The following RREB1 variants were observed in gnomAD, a reference collection of about 807,000 sequenced individuals.
The protein encoded by RREB1 is ras-responsive element-binding protein 1.
A neutral mutation model predicts 117.8 loss-of-function variants in RREB1; 27 were observed. The observed-to-expected ratio is 0.23, with a 90% CI of 0.17 to 0.32. The LOEUF (loss-of-function observed/expected upper bound fraction) is 0.32. Ranked by LOEUF, RREB1 falls within the 10% of genes least tolerant of loss-of-function variation. The probability of loss-of-function intolerance (pLI) is 1.00; values close to 1 mark genes in which losing one functional copy is unlikely to be tolerated. For missense variants in RREB1, 2,577 were observed against 2,378.2 expected (o/e 1.08, Z -1.74); for synonymous variants, 1,298 against 1,026.7 (o/e 1.26, Z -5.05).
At chr6:7,237,699 C>T (rs1389940298) in intron 10 of RREB1, among the ~76,000 whole-genome samples, 1 of 152,150 alleles carries the variant, frequency 6.6e-6, no homozygotes, top group Non-Finnish European at 1.5e-5. Context: ...GATGGCTGGC[C>T]AACAAGTGTT....
chr6:7,190,500 G>A (rs1354544694), intron 6 of RREB1, among the ~76,000 whole-genome samples: 3 of 152,164 alleles, frequency 2.0e-5, no homozygotes, highest in African/African-American at 2.4e-5. Flanking sequence ...TAAACTCTTA[G>A]AAGTGAGGTA....
intron 1 of RREB1, among the ~76,000 whole-genome samples, chr6:7,172,446 C>A (rs566367452): frequency 1.3e-5 from 2 of 151,836 alleles, no homozygotes; most frequent in Admixed American, 1.3e-4. Flanking sequence ...ATGGGTTTTG[C>A]TGTGTTGCCC....
intron 1 of RREB1, among the ~76,000 whole-genome samples, chr6:7,144,513 A>C (rs1157766733): frequency 6.6e-6 from 1 of 152,122 alleles, no homozygotes; most frequent in Non-Finnish European, 1.5e-5. Context: ...CATTAATGTT[A>C]GGATTTTCAC....
intron 1 of RREB1, among the ~76,000 whole-genome samples, chr6:7,135,685 G>C (rs1347142748): frequency 5.9e-5 from 9 of 152,180 alleles, no homozygotes; most frequent in Non-Finnish European, 1.0e-4. Context: ...TCTAGGACTT[G>C]GGACTGGGAG....
At chr6:7,114,880 G>C (rs1309774875) in intron 1 of RREB1, among the ~76,000 whole-genome samples, 2 of 152,108 alleles carry the variant, frequency 1.3e-5, no homozygotes, top group African/African-American at 4.8e-5. Flanking sequence ...TTGTGAAGCT[G>C]TTGTGGTCGA....
chr6:7,247,051 G>A lies in RREB1; in HGVS notation c.4601G>A (p.Ser1534Asn). Reference protein sequence around the residue: ...EETEGPSDGESAAEKRSSEKS... With the variant: ...EETEGPSDGENAAEKRSSEKS... ...ACGGAGGGCCCCTCCGACGGGGAGA[G>A]CGCGGCCGAGAAAAGGTCCTCAGAG... The change falls in exon 12 of 13, where the codon AGC (serine) becomes AAC (asparagine). Residue 1534 changes from serine (S) to asparagine (N), a missense_variant. Physicochemically the swap from Ser to Asn is conservative, Grantham distance 46 (BLOSUM62 1). Transcript: ENST00000379938. The A allele has an allele frequency of 1.2e-6, 2 of 1,613,356 alleles. No individual in the cohort carries two copies. Among genetic ancestry groups the A allele is most frequent in the Non-Finnish European group, 1.7e-6 (2 of 1,179,826 alleles).
At chr6:7,201,285 C>G (rs1765962485) in intron 6 of RREB1, among the ~76,000 whole-genome samples, 1 of 152,200 alleles carries the variant, frequency 6.6e-6, no homozygotes, top group Non-Finnish European at 1.5e-5. Flanking sequence ...AGCATTAGAT[C>G]ACAAAATGAA....
chr6:7,119,745 G>A (rs1023129553), intron 1 of RREB1, among the ~76,000 whole-genome samples: 26 of 152,182 alleles, frequency 1.7e-4, no homozygotes, highest in African/African-American at 6.3e-4. Flanking sequence ...GATGAGATTT[G>A]CATTTTTAAA....
At chr6:7,121,888 G>A (rs1160657898) in intron 1 of RREB1, among the ~76,000 whole-genome samples, 2 of 152,154 alleles carry the variant, frequency 1.3e-5, no homozygotes, top group Admixed American at 6.5e-5. Context: ...AATGCAGGGA[G>A]GCAGGGTGCA....
intron 1 of RREB1, among the ~76,000 whole-genome samples, chr6:7,114,844 T>A (rs1761320023): frequency 6.6e-6 from 1 of 152,186 alleles, no homozygotes; most frequent in Non-Finnish European, 1.5e-5. Context: ...GTCATCTACT[T>A]CTAAAACAAA....
intron 1 of RREB1, chr6:7,108,846 C>T: frequency 6.6e-6 from 1 of 151,822 alleles, no homozygotes; most frequent in Non-Finnish European, 1.5e-5. Context: ...CGGGCAGCCC[C>T]GCGCCCTCGC....
intron 4 of RREB1, among the ~76,000 whole-genome samples, chr6:7,185,980 G>GA (rs1402920770): frequency 1.3e-5 from 2 of 152,182 alleles, no homozygotes; most frequent in African/African-American, 2.4e-5. Context: ...TAGTGGTTGT[G>GA]AAAAAACCCT....
At position 7,117,388 on chromosome 6, in the gene RREB1, G is replaced by GTTTTTTTTTTTTTT. The variant is rs70978941; in HGVS notation, c.-285+9352_-285+9365dup. 6.6e-4 allele frequency among the ~76,000 whole-genome samples: 42 copies of GTTTTTTTTTTTTTT among 63,294 alleles called. 6 individuals carry two copies. The highest frequency in any genetic ancestry group is 7.1e-4 in the Non-Finnish European group (26 of 36,806). 41.5% of individuals were successfully genotyped at this position (63,294 alleles called of 152,430 possible). ...GGTGAACCATGTGAATAGGTTTCCT[G>GTTTTTTTTTTTTTT]TTTTTTTTTTTTTTTTTTTTTTTTT... On this transcript the variant is annotated intron_variant, in intron 1 of 12. Transcript: ENST00000379938.
Position 7,230,121 on chromosome 6 carries a change from C to T in RREB1, c.2022C>T (p.Asn674=). Residue 674 remains asparagine, a synonymous_variant, in exon 10 of 13, where the codon AAC becomes AAT. Coordinates refer to ENST00000379938, the MANE Select transcript of RREB1 (RefSeq NM_001003699.4). ...SHLGISPYQC[N]ICDYIAADKA... is the part of the protein sequence containing the mutation. The stretch of plus-strand genomic sequence containing the variant: ...TGGGCATCTCGCCATACCAGTGCAA[C>T]ATCTGCGACTACATCGCCGCCGACA... 2.5e-6 allele frequency: 4 copies of T among 1,604,606 alleles called. No homozygotes were observed. The highest frequency in any genetic ancestry group is 3.4e-6 in the Non-Finnish European group (4 of 1,176,350).
rs1303506713 is a variant in RREB1 at position 7,109,707 on chromosome 6, C to T, written c.-285+1647C>T. On this transcript the variant is annotated intron_variant, in intron 1 of 12. Transcript: ENST00000379938. ...GCTCCTTACTGGTTAGGAGATAGAA[C>T]GTGAGCCCAGATCCGGACGAGCAGT... Among the ~76,000 whole-genome samples, 4 of 152,220 alleles carry T rather than the reference C, an allele frequency of 2.6e-5. No homozygotes were observed. The East Asian group carries it at 7.7e-4, about 29-fold the overall frequency.
At position 7,231,178 on chromosome 6, in the gene RREB1, C is replaced by T. The variant is rs761708414; in HGVS notation, c.3079C>T (p.Pro1027Ser). 7 of 1,611,656 alleles carry T rather than the reference C, an allele frequency of 4.3e-6. No homozygotes were observed. In the South Asian group the frequency reaches 4.4e-5, roughly 10 times the overall value. The stretch of plus-strand genomic sequence containing the variant: ...CTACTCCTCAGCCCTGGTCAGCAGC[C>T]CTCCACTCGTGGGCAGCTCAGCCCT... ...PIYSSALVSS[P>S]PLVGSSALLS... Residue 1027 changes from proline (P) to serine (S), a missense_variant, in exon 10 of 13, where the codon CCT (proline) becomes TCT (serine). Pro to Ser is a moderately conservative substitution (Grantham distance 74). Transcript: ENST00000379938.
At position 7,172,151 on chromosome 6, in the gene RREB1, G is replaced by A. The variant is rs1017906150; in HGVS notation, c.-284-4504G>A. Among the ~76,000 whole-genome samples the A allele has an allele frequency of 4.6e-5, 7 of 152,140 alleles. No individual in the cohort carries two copies. The East Asian group carries it at 7.7e-4, about 17-fold the overall frequency. ...TATAGAGATGTGGTCTCACTTCGTT[G>A]CCCAGGCTGGTCTCAAACTCCTGGT... On this transcript the variant is annotated intron_variant, in intron 1 of 12. Coordinates refer to ENST00000379938, the MANE Select transcript of RREB1 (RefSeq NM_001003699.4).
chr6:7,176,846 C>G (rs1439401715), intron 2 of RREB1, 73 bp downstream of exon 2: 3 of 152,586 alleles, frequency 2.0e-5, no homozygotes, highest in Admixed American at 2.0e-4. Flanking sequence ...GCCCTCCTCT[C>G]CTACCCTCCC....
intron 2 of RREB1, among the ~76,000 whole-genome samples, chr6:7,180,034 G>C (rs946995015): frequency 2.0e-5 from 3 of 151,980 alleles, no homozygotes; most frequent in African/African-American, 4.8e-5. Flanking sequence ...ATGTTTTTTT[G>C]GGGGGTGGGG....
Sources: gnomAD v4.1 joint callset for allele counts (sites outside exome capture counted in the v4.1 genomes callset) on GRCh38, gnomAD v4.1.1 for gene constraint, MANE v1.5 for transcripts, NCBI Gene and HGNC (gene_info 2026-07-23, HGNC 2026-07-21) for gene names.